The following TMPRSS13 variants were observed in gnomAD, a reference collection of about 807,000 sequenced individuals.
TMPRSS13 encodes transmembrane protease serine 13.
A neutral mutation model predicts 68.4 loss-of-function variants in TMPRSS13; 50 were observed. The observed-to-expected ratio is 0.73, with a 90% CI of 0.58 to 0.93. The LOEUF is 0.93. Ranked by LOEUF, TMPRSS13 falls within the 40% of genes least tolerant of loss-of-function variation. The pLI is 0.00. For synonymous variants in TMPRSS13, 267 were observed against 285.8 expected (o/e 0.93, Z 0.66); for missense variants, 615 against 729.2 (o/e 0.84, Z 1.80).
At chr11:117,913,508 G>A (rs1048997084) in intron 5 of TMPRSS13, among the ~76,000 whole-genome samples, 5 of 152,184 alleles carry the variant, frequency 3.3e-5, no homozygotes, top group African/African-American at 7.2e-5. Context: ...GGATGTGAGC[G>A]TGCTTTGATG....
intron 1 of TMPRSS13, among the ~76,000 whole-genome samples, chr11:117,926,500 C>T (rs964580302): frequency 1.3e-5 from 2 of 152,252 alleles, no homozygotes; most frequent in Non-Finnish European, 2.9e-5. Flanking sequence ...AATTTGGAAC[C>T]TGTTCCACTT....
At chr11:117,904,861 TTATATATATATATATATATA>T (rs58001868) in intron 10 of TMPRSS13, among the ~76,000 whole-genome samples, 2,209 of 100,704 alleles carry the variant, frequency 0.022, 137 homozygotes, top group East Asian at 0.065. Context: ...CTAGATAAGA[TTATATATATATATATATATA>T]TATATATATA....
intron 1 of TMPRSS13, among the ~76,000 whole-genome samples, chr11:117,927,266 A>T (rs565632789): frequency 2.6e-5 from 4 of 152,094 alleles, no homozygotes; most frequent in Non-Finnish European, 5.9e-5. Context: ...CCTTCGGGGG[A>T]CTGCTCCATT....
In TMPRSS13 at chr11:117,929,323, GA is replaced by G. The variant is rs2057737365; in HGVS notation, c.-17del. The G allele has an allele frequency of 1.2e-6, 2 of 1,604,278 alleles. No homozygotes were observed. Among genetic ancestry groups the G allele is most frequent in the Non-Finnish European group, 1.7e-6 (2 of 1,175,710 alleles). On this transcript the variant is annotated 5_prime_UTR_variant, in exon 1 of 13. Transcript: ENST00000524993. ...CCCTCTCCATGGTCTCTGAGGGGAA[GA>G]GTCCTCCAGGCTTAGCTGATGTCGA...
At chr11:117,921,668 G>A (rs1490537355) in intron 1 of TMPRSS13, among the ~76,000 whole-genome samples, 2 of 152,200 alleles carry the variant, frequency 1.3e-5, no homozygotes, top group Admixed American at 1.3e-4. Context: ...CGACACATCC[G>A]AAAGTGGGAT....
rs750944033 is a variant in TMPRSS13 at position 117,909,880 on chromosome 11, G to A, written c.1035C>T (p.Phe345=). The A allele has an allele frequency of 5.0e-6, 8 of 1,613,922 alleles. No homozygotes were observed. The highest frequency in any genetic ancestry group is 6.8e-6 in the Non-Finnish European group (8 of 1,180,036). The part of the protein sequence containing the change: ...SKWPWQVSLH[F]GTTHICGGTL... ...TGCCTCCACAGATGTGGGTGGTGCC[G>A]AAGTGCAGACTCACTTGCCAAGGCC... Residue 345 remains phenylalanine (F), a synonymous_variant, in exon 8 of 13, where the codon TTC becomes TTT. Transcript: ENST00000524993.
At chr11:117,929,251 G>A (rs2134940316) in intron 1 of TMPRSS13, 36 bp downstream of exon 1, 5 of 1,589,410 alleles carry the variant, frequency 3.1e-6, no homozygotes, top group Non-Finnish European at 4.3e-6. Context: ...CCTCAGCGCT[G>A]GGAGAATCTG....
At chr11:117,921,230 C>T (rs1471430416) in intron 1 of TMPRSS13, among the ~76,000 whole-genome samples, 1 of 152,198 alleles carries the variant, frequency 6.6e-6, no homozygotes, top group East Asian at 1.9e-4. Context: ...GTGTCACAAA[C>T]ATCCACAGGA....
At chr11:117,903,262 G>C (rs1349517182) in intron 12 of TMPRSS13, 1 of 1,280,808 alleles carries the variant, frequency 7.8e-7, no homozygotes, top group African/African-American at 1.5e-5. Flanking sequence ...ACAGAGCTGG[G>C]AAAGGCCATG....
At position 117,908,779 on chromosome 11, in the gene TMPRSS13, C is replaced by G. The variant is rs567460426; in HGVS notation, c.1115G>C (p.Arg372Pro). Residue 372 changes from arginine to proline, a missense_variant, in exon 9 of 13, where the codon CGG (arginine) becomes CCG (proline). Physicochemically the swap from Arg to Pro is moderately radical, Grantham distance 103. Transcript: ENST00000524993. ...CTTCCAGCCCTCCAGGACCTTCTCC[C>G]GGGTCCTGCAAGAGCCACAAAGGAG... ...LTAAHCFFVT[R>P]EKVLEGWKVY... 1.9e-6 allele frequency: 3 copies of G among 1,602,204 alleles called. No individual in the cohort carries two copies. Among genetic ancestry groups the G allele is most frequent in the Middle Eastern group, 3.3e-4 (2 of 6,038 alleles).
chr11:117,903,619 C>T (rs1045141809), intron 12 of TMPRSS13, 36 bp downstream of exon 12: 13 of 1,613,590 alleles, frequency 8.1e-6, no homozygotes, highest in Non-Finnish European at 1.0e-5. Context: ...AAGTTCCCAG[C>T]CTGCTGGGTG....
At chr11:117,910,504 C>T in intron 7 of TMPRSS13, 1 of 540,488 alleles carries the variant, frequency 1.9e-6, no homozygotes. Flanking sequence ...GGCTGAGCCC[C>T]TACCAGAGTC....
At position 117,915,541 on chromosome 11, in the gene TMPRSS13, C is replaced by A. The variant is rs2057569316; in HGVS notation, c.557-1027G>T. Among the ~76,000 whole-genome samples the A allele has an allele frequency of 6.6e-6, 1 of 152,200 alleles. No homozygotes were observed. The highest frequency in any genetic ancestry group is 1.9e-4 in the East Asian group (1 of 5,186). On this transcript the variant is annotated intron_variant, in intron 3 of 12. Transcript: ENST00000524993. The surrounding 1 kb of genome is among the most constrained non-coding windows in gnomAD (Gnocchi z 4.9). ...ACCCCCGGGGAACCCTGGGCAGTCT[C>A]CCCTGGAGTGCTCATGGAGCCCCAC...
At chr11:117,905,603 A>G in intron 10 of TMPRSS13, 35 bp downstream of exon 10, 4 of 1,535,376 alleles carry the variant, frequency 2.6e-6, no homozygotes, top group Non-Finnish European at 3.6e-6. Context: ...ATGCACATGA[A>G]TACATACACA....
chr11:117,903,129 G>T (rs556455545), intron 12 of TMPRSS13: 1 of 1,308,518 alleles, frequency 7.6e-7, no homozygotes, highest in South Asian at 2.0e-5. Context: ...GGGAAAGAAT[G>T]GTAGTTCTCA....
chr11:117,909,985 G>T lies in TMPRSS13; in HGVS notation c.947-17C>A, dbSNP rs1401186831. ...GTCCGCAGTCTGGAGGGAAGGAGTA[G>T]ACGTACTGTGAACCCTGTTTCTCCC... On this transcript the variant is annotated splice_polypyrimidine_tract_variant and intron_variant, in intron 7 of 12. Transcript: ENST00000524993. 3.7e-6 allele frequency: 6 copies of T among 1,609,108 alleles called. No individual in the cohort carries two copies. The highest frequency in any genetic ancestry group is 3.3e-5 in the Admixed American group (2 of 59,962).
Position 117,913,863 on chromosome 11 carries a change from C to A in TMPRSS13, c.723G>T (p.Gly241=). ...WDKSLLKIYS[G]SSHQWLPICS... ...AGATGGGAAGCCACTGATGGGAGGA[C>A]CCAGAGTAGATTTTAAGCAGAGACT... Residue 241 remains glycine (G), a synonymous_variant, in exon 5 of 13, where the codon GGG becomes GGT. Coordinates refer to ENST00000524993, the MANE Select transcript of TMPRSS13 (RefSeq NM_001077263.3). 1 of 1,613,992 alleles carries A rather than the reference C, an allele frequency of 6.2e-7. No individual in the cohort carries two copies. Among genetic ancestry groups the A allele is most frequent in the Non-Finnish European group, 8.5e-7 (1 of 1,179,988 alleles).
chr11:117,929,393 TA>T lies in TMPRSS13; in HGVS notation c.-87del. 1 of 1,368,746 alleles carries T rather than the reference TA, an allele frequency of 7.3e-7. No homozygotes were observed. The highest frequency in any genetic ancestry group is 1.0e-6 in the Non-Finnish European group (1 of 993,110). 84.8% of individuals were successfully genotyped at this position (1,368,746 alleles called of 1,614,324 possible). A position where few individuals can be genotyped will look rare whatever the true frequency, so the allele number is the denominator to read the frequency against. On this transcript the variant is annotated 5_prime_UTR_variant, in exon 1 of 13. Transcript: ENST00000524993. Reference sequence around the variant, plus strand: ...TCCCTGGCTTCTCAGGCATGTAGGGTAAAGGAGTTGGAGGGCCAAGGGCCAG... The same window carrying T: ...TCCCTGGCTTCTCAGGCATGTAGGGTAAGGAGTTGGAGGGCCAAGGGCCAG...
chr11:117,919,214 C>T (rs2057617925), intron 1 of TMPRSS13, among the ~76,000 whole-genome samples: 3 of 152,206 alleles, frequency 2.0e-5, no homozygotes, highest in Admixed American at 6.5e-5. Context: ...ATGTGGTCCC[C>T]CATGGGGAAA....
Sources: allele counts gnomAD v4.1 joint callset (sites outside exome capture counted in the v4.1 genomes callset), GRCh38; gene constraint gnomAD v4.1.1; non-coding constraint Gnocchi (gnomAD v3.1); transcripts MANE v1.5; gene names NCBI Gene and HGNC (gene_info 2026-07-23, HGNC 2026-07-21).